GDAP1L1: variants seen among roughly 807,000 people sequenced by gnomAD.
GDAP1L1 encodes ganglioside-induced differentiation-associated protein 1-like 1.
In GDAP1L1, 21 loss-of-function variants were observed where a neutral mutation model predicts 37.1. The observed-to-expected ratio is 0.57, with a 90% CI of 0.40 to 0.81. The LOEUF (loss-of-function observed/expected upper bound fraction) is 0.81, where lower values mean the gene tolerates loss of function less well. GDAP1L1 is among the 40% of genes least tolerant of loss of function. The pLI, the probability that GDAP1L1 is intolerant of heterozygous loss-of-function variation, is 0.00. For synonymous variants in GDAP1L1, 193 were observed against 209.1 expected (o/e 0.92, Z 0.67); for missense variants, 362 against 491.6 (o/e 0.74, Z 2.49).
At chr20:44,249,309 A>G (rs1253887350) in intron 1 of GDAP1L1, among the ~76,000 whole-genome samples, 2 of 152,174 alleles carry the variant, frequency 1.3e-5, no homozygotes, top group Non-Finnish European at 2.9e-5. Context: ...AAGTGCTAGT[A>G]TTACAGGTGT....
At chr20:44,265,433 A>G in intron 5 of GDAP1L1, 2 of 985,342 alleles carry the variant, frequency 2.0e-6, no homozygotes, top group Non-Finnish European at 2.4e-6. Context: ...GAACAATGCA[A>G]ATTTATGGTG....
chr20:44,257,628 C>T (rs1326982991), intron 2 of GDAP1L1, among the ~76,000 whole-genome samples: 1 of 151,866 alleles, frequency 6.6e-6, no homozygotes, highest in East Asian at 1.9e-4. Flanking sequence ...AGCAGTGGGG[C>T]TATAGCCCTT....
intron 2 of GDAP1L1, 85 bp downstream of exon 2, chr20:44,257,430 T>G (rs958993482): frequency 7.5e-7 from 1 of 1,326,142 alleles, no homozygotes; most frequent in Non-Finnish European, 1.0e-6. Flanking sequence ...TCCCAGAACT[T>G]TGGGAAGTCT....
At chr20:44,270,164 A>ATTTTTTTTTTTT (rs397756226) in intron 5 of GDAP1L1, among the ~76,000 whole-genome samples, 1 of 100,594 alleles carries the variant, frequency 9.9e-6, no homozygotes, top group African/African-American at 4.1e-5. Context: ...AGTGTCTTAA[A>ATTTTTTTTTTTT]TTTTTTTTTT....
intron 5 of GDAP1L1, among the ~76,000 whole-genome samples, chr20:44,267,298 G>A (rs1312398617): frequency 6.6e-6 from 1 of 152,114 alleles, no homozygotes; most frequent in African/African-American, 2.4e-5. Context: ...ACTGGCTCTG[G>A]GCTCTTTCCT....
At chr20:44,259,042 C>T (rs981878154) in intron 3 of GDAP1L1, among the ~76,000 whole-genome samples, 1 of 151,626 alleles carries the variant, frequency 6.6e-6, no homozygotes, top group Admixed American at 6.6e-5. Context: ...CAGCCTTAGA[C>T]AGTCAGGGCT....
At chr20:44,254,464 C>T (rs2073502546) in intron 1 of GDAP1L1, among the ~76,000 whole-genome samples, 1 of 152,230 alleles carries the variant, frequency 6.6e-6, no homozygotes, top group Non-Finnish European at 1.5e-5. Context: ...CTCCCACTGC[C>T]GAGGAGGGAA....
intron 5 of GDAP1L1, among the ~76,000 whole-genome samples, chr20:44,274,759 C>G (rs1425398767): frequency 6.6e-6 from 1 of 152,216 alleles, no homozygotes; most frequent in East Asian, 1.9e-4. Flanking sequence ...TCTGGCTACA[C>G]TGATACTGTC....
At chr20:44,247,775 G>A (rs1259498407) in intron 1 of GDAP1L1, among the ~76,000 whole-genome samples, 1 of 147,546 alleles carries the variant, frequency 6.8e-6, no homozygotes, top group Non-Finnish European at 1.5e-5. Flanking sequence ...CAGCCGGTCT[G>A]TTGGGGTGCG....
At chr20:44,278,844 A>C (rs1297488245) in intron 5 of GDAP1L1, 113 bp from the exon 6 acceptor site, 1 of 692,816 alleles carries the variant, frequency 1.4e-6, no homozygotes, top group Non-Finnish European at 2.6e-6. Context: ...GGAATGAGTA[A>C]CCCTCAGAAA....
At chr20:44,250,090 A>G (rs1204135702) in intron 1 of GDAP1L1, among the ~76,000 whole-genome samples, 2 of 152,234 alleles carry the variant, frequency 1.3e-5, no homozygotes, top group East Asian at 3.8e-4. Context: ...CCCATTGTCA[A>G]GCATCTAAAT....
At chr20:44,261,663 T>C (rs530829874) in intron 3 of GDAP1L1, among the ~76,000 whole-genome samples, 1 of 152,290 alleles carries the variant, frequency 6.6e-6, no homozygotes, top group South Asian at 2.1e-4. Flanking sequence ...AGGCAGGTTG[T>C]GGACTCAAGC....
At chr20:44,274,177 C>T (rs1346909036) in intron 5 of GDAP1L1, among the ~76,000 whole-genome samples, 1 of 151,968 alleles carries the variant, frequency 6.6e-6, no homozygotes, top group Non-Finnish European at 1.5e-5. Context: ...CCTTTAAAAC[C>T]AATCCCTTCC....
Position 44,258,737 on chromosome 20 carries a change from A to G in GDAP1L1, c.547+130A>G, listed in dbSNP as rs1229553287. On this transcript the variant is annotated intron_variant, in intron 3 of 5. Transcript: ENST00000342560. ...TTCCTCCTCCTTCTCTCCCTCTTGCATTCTCCATTTGTCCCCGCCTCTCTC... is the reference window on the plus strand; with the variant it reads ...TTCCTCCTCCTTCTCTCCCTCTTGCGTTCTCCATTTGTCCCCGCCTCTCTC... 4.4e-6 allele frequency: 3 copies of G among 683,146 alleles called. No individual in the cohort carries two copies. The South Asian group carries it at 5.6e-5, about 13-fold the overall frequency. The allele number at this position is 683,146 out of a possible 1,614,324, so 42.3% of individuals were successfully genotyped here. A position where few individuals can be genotyped will look rare whatever the true frequency, so the allele number is the denominator to read the frequency against.
At chr20:44,251,385 C>T (rs1002019034) in intron 1 of GDAP1L1, among the ~76,000 whole-genome samples, 20 of 152,196 alleles carry the variant, frequency 1.3e-4, no homozygotes, top group African/African-American at 4.6e-4. Flanking sequence ...CTCTGGAGGG[C>T]CCCTGGCCCA....
In GDAP1L1 at chr20:44,279,136, G is replaced by A; in HGVS notation, c.940G>A (p.Val314Ile). The A allele has an allele frequency of 6.2e-7, 1 of 1,614,206 alleles. No individual in the cohort carries two copies. Among genetic ancestry groups the A allele is most frequent in the Non-Finnish European group, 8.5e-7 (1 of 1,180,038 alleles). ...RVQRRFAFRK[V>I]LGDIHTTLLS... is the part of the protein sequence containing the mutation. ...CCAGAGACGCTTTGCCTTCCGGAAAGTCCTGGGTGACATCCACACCACCCT... is the reference window on the plus strand; with the variant it reads ...CCAGAGACGCTTTGCCTTCCGGAAAATCCTGGGTGACATCCACACCACCCT... The change falls in exon 6 of 6, where the codon GTC becomes ATC. Residue 314 changes from valine (V) to isoleucine (I), a missense_variant. By Grantham distance (29) the Val-to-Ile change is conservative. This residue lies in a region of GDAP1L1 where 85 missense variants were observed against 154.4 expected (regional missense o/e 0.55). Coordinates refer to ENST00000342560, the MANE Select transcript of GDAP1L1 (RefSeq NM_024034.6).
intron 5 of GDAP1L1, among the ~76,000 whole-genome samples, chr20:44,278,734 G>A (rs1310995834): frequency 1.3e-5 from 2 of 151,258 alleles, no homozygotes; most frequent in South Asian, 2.1e-4. Context: ...ATGAGGATAA[G>A]AAAACAAAAG....
chr20:44,263,376 C>G (rs189949124), intron 4 of GDAP1L1, 49 bp downstream of exon 4: 1 of 1,196,008 alleles, frequency 8.4e-7, no homozygotes, highest in Non-Finnish European at 1.2e-6. Flanking sequence ...AGCTCTTCCA[C>G]GGAAATGAAC....
chr20:44,271,586 G>A (rs943190707), intron 5 of GDAP1L1, among the ~76,000 whole-genome samples: 1 of 152,226 alleles, frequency 6.6e-6, no homozygotes, highest in Non-Finnish European at 1.5e-5. Flanking sequence ...AATGAAGGCG[G>A]TGAGTGTAGA....
Sources: gnomAD v4.1 joint callset for allele counts (sites outside exome capture counted in the v4.1 genomes callset) on GRCh38, gnomAD v4.1.1 for gene constraint, gnomAD v4.1.1 regional missense constraint, MANE v1.5 for transcripts, NCBI Gene and HGNC (gene_info 2026-07-23, HGNC 2026-07-21) for gene names.